NKAIN3: variants seen among roughly 807,000 people sequenced by gnomAD.
NKAIN3 encodes sodium/potassium-transporting ATPase subunit beta-1-interacting protein 3.
NKAIN3 carries 25 observed loss-of-function variants against 30.2 expected under a neutral mutation model. The ratio of observed to expected loss-of-function variants is 0.83; its 90% CI spans 0.60 to 1.16. NKAIN3 has a LOEUF of 1.16. NKAIN3 is among the 50% of genes most tolerant of loss of function. The pLI is 0.00. For synonymous variants in NKAIN3, 91 were observed against 89.6 expected (o/e 1.02, Z -0.09); for missense variants, 225 against 254.1 (o/e 0.89, Z 0.78).
At chr8:62,946,383 G>A (rs138480479) in intron 5 of NKAIN3, among the ~76,000 whole-genome samples, 1 of 152,190 alleles carries the variant, frequency 6.6e-6, no homozygotes, top group Admixed American at 6.5e-5. Flanking sequence ...ACAGCAGGCC[G>A]TGCCTACTGA....
intron 4 of NKAIN3, among the ~76,000 whole-genome samples, chr8:62,875,298 A>G (rs1483978926): frequency 6.6e-6 from 1 of 152,186 alleles, no homozygotes; most frequent in Non-Finnish European, 1.5e-5. Context: ...AAGGAGAACT[A>G]CAAACCACTG....
intron 1 of NKAIN3, among the ~76,000 whole-genome samples, chr8:62,259,046 A>C (rs1330461640): frequency 6.6e-6 from 1 of 152,202 alleles, no homozygotes; most frequent in Non-Finnish European, 1.5e-5. Flanking sequence ...TGGTGGGCAT[A>C]GTGCTGGAGT....
chr8:62,330,239 G>T (rs1188997410), intron 1 of NKAIN3, among the ~76,000 whole-genome samples: 2 of 151,896 alleles, frequency 1.3e-5, no homozygotes, highest in East Asian at 3.9e-4. Context: ...GGGGTGAGCT[G>T]GGAACAGATG....
intron 1 of NKAIN3, among the ~76,000 whole-genome samples, chr8:62,309,031 T>C (rs567657341): frequency 4.0e-5 from 6 of 150,624 alleles, no homozygotes; most frequent in Middle Eastern, 3.4e-3. Context: ...TCAGACTAGA[T>C]AGAAATGTCC....
chr8:62,490,179 C>T (rs547920111), intron 1 of NKAIN3, among the ~76,000 whole-genome samples: 7 of 152,252 alleles, frequency 4.6e-5, no homozygotes, highest in Admixed American at 1.3e-4. Context: ...TCTGTAGATG[C>T]GATTAAAGTT....
chr8:62,507,236 A>T (rs1220572333), intron 1 of NKAIN3, among the ~76,000 whole-genome samples: 1 of 152,172 alleles, frequency 6.6e-6, no homozygotes, highest in Non-Finnish European at 1.5e-5. Flanking sequence ...ATGGATGAAG[A>T]TTTCCGATTC....
At chr8:62,817,770 T>C (rs1363807611) in intron 4 of NKAIN3, among the ~76,000 whole-genome samples, 10 of 152,186 alleles carry the variant, frequency 6.6e-5, no homozygotes, top group Non-Finnish European at 1.3e-4. Context: ...GTCCTTAGTA[T>C]TTTTTGTGAA....
chr8:62,845,057 A>G (rs1391301835), intron 4 of NKAIN3, among the ~76,000 whole-genome samples: 2 of 151,864 alleles, frequency 1.3e-5, no homozygotes, highest in African/African-American at 4.8e-5. Flanking sequence ...TAAATCATCA[A>G]AGAACCACTG....
intron 3 of NKAIN3, among the ~76,000 whole-genome samples, chr8:62,670,410 T>C (rs755464129): frequency 5.9e-5 from 9 of 152,212 alleles, no homozygotes; most frequent in Non-Finnish European, 8.8e-5. Flanking sequence ...CCTTGAGATA[T>C]ACATTTCTTG....
rs981660035 is a variant in NKAIN3 at position 62,445,722 on chromosome 8, G to T, written c.55-133817G>T. On this transcript the variant is annotated intron_variant, in intron 1 of 6. Transcript: ENST00000623646. ...TCACTCCTTGTTCTCCTCTCCTTAG[G>T]CATTCTGGTTTTCTATATGGTTTTC... Among the ~76,000 whole-genome samples, 26 of 151,970 alleles carry T rather than the reference G, an allele frequency of 1.7e-4. 2 individuals carry two copies. Among genetic ancestry groups the T allele is most frequent in the African/African-American group, 6.0e-4 (25 of 41,376 alleles).
chr8:62,924,219 A>G (rs1256532261), intron 5 of NKAIN3, among the ~76,000 whole-genome samples: 1 of 152,020 alleles, frequency 6.6e-6, no homozygotes, highest in African/African-American at 2.4e-5. Context: ...CCACTAACTT[A>G]TATACACCCT....
At chr8:62,789,165 G>A (rs1413566413) in intron 4 of NKAIN3, among the ~76,000 whole-genome samples, 1 of 152,068 alleles carries the variant, frequency 6.6e-6, no homozygotes, top group African/African-American at 2.4e-5. Flanking sequence ...CTACCCATGA[G>A]CATGGAATGT....
At chr8:62,384,035 T>G (rs1214236297) in intron 1 of NKAIN3, among the ~76,000 whole-genome samples, 1 of 152,292 alleles carries the variant, frequency 6.6e-6, no homozygotes, top group East Asian at 1.9e-4. Context: ...GGAAGGACTT[T>G]CAGCGTCACT....
chr8:62,673,404 G>A (rs189634569), intron 3 of NKAIN3, among the ~76,000 whole-genome samples: 106 of 152,248 alleles, frequency 7.0e-4, no homozygotes, highest in African/African-American at 2.5e-3. Flanking sequence ...AGAGAGAAGT[G>A]TTTCAAGAAA....
chr8:62,285,104 A>T (rs1444880835), intron 1 of NKAIN3, among the ~76,000 whole-genome samples: 1 of 152,132 alleles, frequency 6.6e-6, no homozygotes, highest in Non-Finnish European at 1.5e-5. Flanking sequence ...TCATCATAAA[A>T]CCAATCCTTT....
chr8:62,509,166 A>T (rs1417625304), intron 1 of NKAIN3, among the ~76,000 whole-genome samples: 1 of 152,166 alleles, frequency 6.6e-6, no homozygotes, highest in Non-Finnish European at 1.5e-5. Flanking sequence ...GGCATTGATC[A>T]TAGAGAGTAG....
At chr8:62,432,780 C>T (rs1047431971) in intron 1 of NKAIN3, among the ~76,000 whole-genome samples, 13 of 152,094 alleles carry the variant, frequency 8.5e-5, no homozygotes, top group African/African-American at 2.9e-4. Context: ...GAACAGGAGA[C>T]TGTTTTTTCC....
chr8:62,735,188 A>G (rs998880588), intron 3 of NKAIN3, among the ~76,000 whole-genome samples: 1 of 152,112 alleles, frequency 6.6e-6, no homozygotes, highest in Admixed American at 6.5e-5. Flanking sequence ...TATTCCCTCA[A>G]ATATGTTTTC....
intron 1 of NKAIN3, among the ~76,000 whole-genome samples, chr8:62,529,734 A>G (rs767715474): frequency 6.6e-6 from 1 of 152,130 alleles, no homozygotes; most frequent in Non-Finnish European, 1.5e-5. Context: ...GTATTCTGTT[A>G]TAGAAGCCAA....
Sources: gnomAD v4.1 joint callset for allele counts (sites outside exome capture counted in the v4.1 genomes callset) on GRCh38, gnomAD v4.1.1 for gene constraint, MANE v1.5 for transcripts, NCBI Gene and HGNC (gene_info 2026-07-23, HGNC 2026-07-21) for gene names.